STX8: variants seen among roughly 807,000 people sequenced by gnomAD.
STX8 encodes the protein syntaxin-8.
Under a neutral mutation model 37.5 loss-of-function variants are expected in STX8, and 23 were observed. The observed-to-expected ratio is 0.61, with a 90% CI of 0.44 to 0.87. STX8 has a LOEUF of 0.87. STX8 is among the 40% of genes least tolerant of loss of function. The pLI is 0.00. For synonymous variants in STX8, 115 were observed against 99.1 expected (o/e 1.16, Z -0.95); for missense variants, 313 against 284.7 (o/e 1.10, Z -0.71).
rs574364096 is a variant in STX8, at chr17:9,542,626, A to G, written c.323+2546T>C. 5.4e-4 allele frequency among the ~76,000 whole-genome samples: 81 copies of G among 151,108 alleles called. 1 individual carries two copies. The highest frequency in any genetic ancestry group is 1.8e-3 in the African/African-American group (73 of 41,174). ...TGGGAGGCGGAGCTTGCAGTGAGCC[A>G]AGATTGCGCCACTGCACTCCAGCCT... On this transcript the variant is annotated intron_variant, in intron 4 of 7. Coordinates refer to ENST00000306357, the MANE Select transcript of STX8 (RefSeq NM_004853.3).
At chr17:9,263,578 G>A (rs1907123595) in intron 7 of STX8, among the ~76,000 whole-genome samples, 1 of 152,088 alleles carries the variant, frequency 6.6e-6, no homozygotes, top group South Asian at 2.1e-4. Context: ...TCTTTTTAGT[G>A]GCTGCAGACT....
At chr17:9,318,534 A>G (rs1909463753) in intron 7 of STX8, among the ~76,000 whole-genome samples, 1 of 152,212 alleles carries the variant, frequency 6.6e-6, no homozygotes, top group Admixed American at 6.5e-5. Context: ...TCAGAACAGC[A>G]ACAAAAGAAA....
chr17:9,494,314 C>A (rs1906997923), intron 5 of STX8, among the ~76,000 whole-genome samples: 1 of 151,348 alleles, frequency 6.6e-6, no homozygotes, highest in South Asian at 2.1e-4. Context: ...CGCCCCCGGC[C>A]CCCATGATAT....
chr17:9,280,916 C>A, intron 7 of STX8, among the ~76,000 whole-genome samples: 1 of 152,116 alleles, frequency 6.6e-6, no homozygotes, highest in East Asian at 1.9e-4. Context: ...TAGGGCACAC[C>A]TCAGTAACAA....
At chr17:9,499,353 T>C (rs756499485) in intron 5 of STX8, among the ~76,000 whole-genome samples, 8 of 152,204 alleles carry the variant, frequency 5.3e-5, no homozygotes, top group Non-Finnish European at 1.0e-4. Flanking sequence ...TTCCATTTTT[T>C]GTATTTGTCC....
intron 4 of STX8, among the ~76,000 whole-genome samples, chr17:9,531,624 T>C (rs956732964): frequency 1.3e-5 from 2 of 152,154 alleles, no homozygotes; most frequent in Non-Finnish European, 2.9e-5. Flanking sequence ...AGTAAAAATA[T>C]AGCATATACA....
At chr17:9,511,305 G>A (rs1368201649) in intron 4 of STX8, among the ~76,000 whole-genome samples, 2 of 151,878 alleles carry the variant, frequency 1.3e-5, no homozygotes, top group Non-Finnish European at 2.9e-5. Flanking sequence ...GAATACAACA[G>A]AAAAAGAAAA....
In STX8 at chr17:9,559,760, A is replaced by ATATTTT; in HGVS notation, c.118-2233_118-2232insAAAATA. Among the ~76,000 whole-genome samples the ATATTTT allele has an allele frequency of 2.6e-3, 64 of 24,490 alleles. 2 individuals are homozygous for ATATTTT. Among genetic ancestry groups the ATATTTT allele is most frequent in the South Asian group, 8.8e-3 (3 of 340 alleles). 16.1% of individuals were successfully genotyped at this position (24,490 alleles called of 152,430 possible). Reference sequence around the variant, plus strand: ...TATATATATATATATATATATATATATTTTTTTTTTTTTTTTTTTTGAGAC... The same window carrying ATATTTT: ...TATATATATATATATATATATATATATATTTTTTTTTTTTTTTTTTTTTTTTGAGAC... On this transcript the variant is annotated intron_variant, in intron 2 of 7. Transcript: ENST00000306357.
chr17:9,542,941 G>C (rs75712263), intron 4 of STX8, among the ~76,000 whole-genome samples: 182 of 152,136 alleles, frequency 1.2e-3, no homozygotes, highest in Non-Finnish European at 2.2e-3. Context: ...GGCAAGCGGG[G>C]ACCAAAAACT....
chr17:9,481,302 G>A (rs2142454807), intron 6 of STX8, among the ~76,000 whole-genome samples: 1 of 152,328 alleles, frequency 6.6e-6, no homozygotes, highest in Admixed American at 6.5e-5. Flanking sequence ...GGATGAGCGT[G>A]TCTTCCTGCT....
At chr17:9,434,965 A>C (rs1236029826) in intron 6 of STX8, among the ~76,000 whole-genome samples, 1 of 152,144 alleles carries the variant, frequency 6.6e-6, no homozygotes, top group Non-Finnish European at 1.5e-5. Context: ...TATGTTAATG[A>C]GCAGTGAGGG....
chr17:9,534,285 T>C (rs1277829406), intron 4 of STX8, among the ~76,000 whole-genome samples: 1 of 151,532 alleles, frequency 6.6e-6, no homozygotes, highest in East Asian at 1.9e-4. Flanking sequence ...AAAAACATGT[T>C]AGACTTTTGT....
At chr17:9,321,648 T>C (rs1253901982) in intron 7 of STX8, among the ~76,000 whole-genome samples, 3 of 151,736 alleles carry the variant, frequency 2.0e-5, no homozygotes, top group Non-Finnish European at 4.4e-5. Context: ...GCCTCCTGAG[T>C]AGCTGGGATT....
At chr17:9,268,992 C>A (rs567908617) in intron 7 of STX8, among the ~76,000 whole-genome samples, 40 of 152,014 alleles carry the variant, frequency 2.6e-4, no homozygotes, top group Non-Finnish European at 5.1e-4. Context: ...TCGAGACCAT[C>A]CTGGCTAAAA....
intron 7 of STX8, among the ~76,000 whole-genome samples, chr17:9,251,651 G>A (rs752502444): frequency 1.3e-5 from 2 of 152,314 alleles, no homozygotes; most frequent in East Asian, 3.9e-4. Flanking sequence ...TGAACGCCAC[G>A]GTAGTCTGTG....
chr17:9,301,742 G>A (rs1167860370), intron 7 of STX8, among the ~76,000 whole-genome samples: 1 of 151,958 alleles, frequency 6.6e-6, no homozygotes, highest in Non-Finnish European at 1.5e-5. Flanking sequence ...GTCCGTCTCG[G>A]CCTCCCAAAG....
At chr17:9,415,259 G>A (rs1196963821) in intron 6 of STX8, among the ~76,000 whole-genome samples, 1 of 151,950 alleles carries the variant, frequency 6.6e-6, no homozygotes, top group East Asian at 1.9e-4. Context: ...ATCAGCCTGG[G>A]GTCCTCTCCT....
At chr17:9,360,009 T>C (rs1309611224) in intron 7 of STX8, among the ~76,000 whole-genome samples, 2 of 151,884 alleles carry the variant, frequency 1.3e-5, no homozygotes, top group Non-Finnish European at 2.9e-5. Context: ...TGTCTTTAGT[T>C]CCGCGTGTCA....
chr17:9,466,319 G>A (rs761575122), intron 6 of STX8, among the ~76,000 whole-genome samples: 1 of 152,126 alleles, frequency 6.6e-6, no homozygotes, highest in Non-Finnish European at 1.5e-5. Flanking sequence ...TCATAGGAAA[G>A]GTAAAAAGCT....
Sources: gnomAD v4.1 joint callset for allele counts (sites outside exome capture counted in the v4.1 genomes callset) on GRCh38, gnomAD v4.1.1 for gene constraint, MANE v1.5 for transcripts, NCBI Gene and HGNC (gene_info 2026-07-23, HGNC 2026-07-21) for gene names.